The following FAXC variants were observed in gnomAD, a reference collection of about 807,000 sequenced individuals.
FAXC encodes the protein failed axon connections homolog, metaxin like GST domain containing.
A neutral mutation model predicts 41.9 loss-of-function variants in FAXC; 10 were observed. That is an observed-to-expected ratio of 0.24 (90% CI 0.15 to 0.41). The LOEUF (loss-of-function observed/expected upper bound fraction) is 0.41. FAXC is among the 10% of genes least tolerant of loss of function. FAXC has a pLI of 1.00. For missense variants in FAXC, 399 were observed against 510.9 expected, an observed-to-expected ratio of 0.78 and a Z score of 2.11; for synonymous variants, 183 against 183.8, an observed-to-expected ratio of 1.00 and a Z score of 0.03.
At chr6:99,294,799 C>T (rs560186291) in intron 4 of FAXC, among the ~76,000 whole-genome samples, 1 of 152,210 alleles carries the variant, frequency 6.6e-6, no homozygotes, top group East Asian at 1.9e-4. Context: ...ATAGAACACA[C>T]AGGACTTTGA....
chr6:99,327,381 T>G (rs1438739046), intron 3 of FAXC, among the ~76,000 whole-genome samples: 1 of 152,202 alleles, frequency 6.6e-6, no homozygotes, highest in Non-Finnish European at 1.5e-5. Context: ...CCTGTTGACA[T>G]GGTTGGAGCC....
chr6:99,346,675 C>T (rs1210473185), intron 1 of FAXC, among the ~76,000 whole-genome samples: 1 of 152,070 alleles, frequency 6.6e-6, no homozygotes, highest in Non-Finnish European at 1.5e-5. Flanking sequence ...GCTGGGATTA[C>T]AGGCGTAAGC....
At chr6:99,285,255 T>G (rs959816356) in intron 5 of FAXC, among the ~76,000 whole-genome samples, 2 of 152,170 alleles carry the variant, frequency 1.3e-5, no homozygotes, top group African/African-American at 4.8e-5. Flanking sequence ...TACATGGATA[T>G]CAAATGAAGC....
chr6:99,315,887 C>A (rs184504872), intron 4 of FAXC, among the ~76,000 whole-genome samples: 3 of 152,212 alleles, frequency 2.0e-5, no homozygotes, highest in Admixed American at 2.0e-4. Context: ...TATTTTTCTT[C>A]TTCTCCCTCT....
intron 2 of FAXC, among the ~76,000 whole-genome samples, chr6:99,338,058 C>T (rs941024407): frequency 2.8e-4 from 42 of 152,110 alleles, no homozygotes; most frequent in African/African-American, 9.2e-4. Flanking sequence ...CAGTACAAAT[C>T]CCCACTAAGG....
chr6:99,296,319 G>A (rs1382419017), intron 4 of FAXC, among the ~76,000 whole-genome samples: 1 of 152,132 alleles, frequency 6.6e-6, no homozygotes, highest in East Asian at 1.9e-4. Context: ...GGACACTTGT[G>A]AAGGGCACTG....
intron 1 of FAXC, among the ~76,000 whole-genome samples, chr6:99,346,165 A>C (rs980263765): frequency 6.6e-6 from 1 of 152,210 alleles, no homozygotes; most frequent in Non-Finnish European, 1.5e-5. Flanking sequence ...TAAATTATAA[A>C]GACTATTGAA....
At chr6:99,310,636 G>GT (rs974694443) in intron 4 of FAXC, among the ~76,000 whole-genome samples, 1 of 152,184 alleles carries the variant, frequency 6.6e-6, no homozygotes, top group African/African-American at 2.4e-5. Context: ...AATGTCTATG[G>GT]TTTTTTTCTT....
intron 4 of FAXC, among the ~76,000 whole-genome samples, chr6:99,312,903 C>A (rs1562167773): frequency 6.6e-6 from 1 of 152,178 alleles, no homozygotes; most frequent in East Asian, 1.9e-4. Flanking sequence ...TCTGCTGATA[C>A]TCCTTCATAT....
In FAXC at chr6:99,273,862, T is replaced by C. The variant is rs746223630; in HGVS notation, c.*7302A>G. 10 of 152,122 alleles carry C rather than the reference T, an allele frequency of 6.6e-5. No individual in the cohort carries two copies. Among genetic ancestry groups the C allele is most frequent in the Non-Finnish European group, 1.3e-4 (9 of 68,030 alleles). 9.4% of individuals were successfully genotyped at this position (152,122 alleles called of 1,614,324 possible). ...ATGTTTACATCAGTAAAACAGTATA[T>C]ACATATATAGCAGTGTATACATATA... On this transcript the variant is annotated 3_prime_UTR_variant, in exon 6 of 6. Transcript: ENST00000389677.
At chr6:99,324,492 G>T (rs1180878095) in intron 3 of FAXC, among the ~76,000 whole-genome samples, 1 of 152,144 alleles carries the variant, frequency 6.6e-6, no homozygotes, top group Non-Finnish European at 1.5e-5. Context: ...TTGTTCTCAA[G>T]AACTCTAAAG....
At chr6:99,336,547 T>A (rs1299931132) in intron 2 of FAXC, among the ~76,000 whole-genome samples, 1 of 152,268 alleles carries the variant, frequency 6.6e-6, no homozygotes, top group Non-Finnish European at 1.5e-5. Flanking sequence ...CTCCATATTT[T>A]TTCCAAGCTG....
chr6:99,274,920 G>A lies in FAXC; in HGVS notation c.*6244C>T, dbSNP rs1349824957. ...TTATTTTTTAAAGAGGAGGAAGACA[G>A]TAAATATTCAGAGCATTCCTCTTTT... On this transcript the variant is annotated 3_prime_UTR_variant, in exon 6 of 6. Coordinates refer to ENST00000389677, the MANE Select transcript of FAXC (RefSeq NM_032511.4). 1 of 152,204 alleles carries A rather than the reference G, an allele frequency of 6.6e-6. No homozygotes were observed. Among genetic ancestry groups the A allele is most frequent in the Non-Finnish European group, 1.5e-5 (1 of 68,030 alleles). The allele number at this position is 152,204 out of a possible 1,614,324, so 9.4% of individuals were successfully genotyped here.
At chr6:99,302,657 AAAAAATAAAAAAAT>A (rs1771759542) in intron 4 of FAXC, among the ~76,000 whole-genome samples, 1 of 152,124 alleles carries the variant, frequency 6.6e-6, no homozygotes, top group Non-Finnish European at 1.5e-5. Flanking sequence ...CTCTGTCTCA[AAAAAATAAAAAAAT>A]AAAAATAAAA....
chr6:99,294,628 G>C (rs1172541653), intron 4 of FAXC, among the ~76,000 whole-genome samples: 1 of 152,110 alleles, frequency 6.6e-6, no homozygotes, highest in Non-Finnish European at 1.5e-5. Context: ...AAAAAAAGAG[G>C]GGGAGGGGGA....
chr6:99,281,366 T>C lies in FAXC; in HGVS notation c.1028A>G (p.Tyr343Cys), dbSNP rs765838216. The C allele has an allele frequency of 1.9e-6, 3 of 1,614,062 alleles. No homozygotes were observed. The highest frequency in any genetic ancestry group is 4.5e-5 in the East Asian group (2 of 44,898). ...EWHHDDDNTIYESEESSEGSK... is the reference protein window; with the variant it reads ...EWHHDDDNTICESEESSEGSK... ...GCCTTCGCTGCTCTCCTCAGACTCA[T>C]AGATGGTATTGTCATCATCGTGGTG... The change falls in exon 6 of 6, where the codon TAT becomes TGT. Residue 343 changes from tyrosine to cysteine, a missense_variant. Around this residue, in one of 3 missense-constraint regions of FAXC, gnomAD observed 92 missense variants for 94.9 expected, o/e 0.97. Coordinates refer to ENST00000389677, the MANE Select transcript of FAXC (RefSeq NM_032511.4).
intron 2 of FAXC, among the ~76,000 whole-genome samples, chr6:99,337,009 A>C (rs1201545433): frequency 2.0e-5 from 3 of 152,206 alleles, no homozygotes; most frequent in African/African-American, 7.2e-5. Flanking sequence ...CACTGAAAAA[A>C]TCCACGCACC....
intron 5 of FAXC, among the ~76,000 whole-genome samples, chr6:99,288,809 G>A (rs893600026): frequency 6.0e-5 from 9 of 149,594 alleles, no homozygotes; most frequent in African/African-American, 1.7e-4. Context: ...AGCTGCTGGC[G>A]TCAGCCTGGT....
chr6:99,281,889 C>T (rs1770854260), intron 5 of FAXC, among the ~76,000 whole-genome samples: 1 of 152,210 alleles, frequency 6.6e-6, no homozygotes, highest in East Asian at 1.9e-4. Context: ...CATTTTGCAA[C>T]AGCGGCCCAA....
Sources: gnomAD v4.1 joint callset for allele counts (sites outside exome capture counted in the v4.1 genomes callset) on GRCh38, gnomAD v4.1.1 for gene constraint, gnomAD v4.1.1 regional missense constraint, MANE v1.5 for transcripts, NCBI Gene and HGNC (gene_info 2026-07-23, HGNC 2026-07-21) for gene names.